ITPR2: variants seen among roughly 807,000 people sequenced by gnomAD.
The protein encoded by ITPR2 is inositol 1,4,5-trisphosphate-gated calcium channel ITPR2.
ITPR2 carries 207 observed loss-of-function variants against 317.1 expected under a neutral mutation model. That is an observed-to-expected ratio of 0.65 (90% confidence interval 0.58 to 0.73). ITPR2 has a LOEUF of 0.73. ITPR2 is among the 30% of genes least tolerant of loss of function. The pLI, the probability that ITPR2 is intolerant of heterozygous loss-of-function variation, is 0.00. For missense variants in ITPR2, 2,613 were observed against 3,284.0 expected, an observed-to-expected ratio of 0.80 and a Z score of 4.99; for synonymous variants, 1,156 against 1,149.1, an observed-to-expected ratio of 1.01 and a Z score of -0.12.
At chr12:26,492,307 C>T (rs906548138) in intron 39 of ITPR2, among the ~76,000 whole-genome samples, 2 of 152,082 alleles carry the variant, frequency 1.3e-5, no homozygotes, top group Non-Finnish European at 1.5e-5. Context: ...CCAATGGGAG[C>T]TGGCTTATTC....
At chr12:26,555,235 G>T (rs1944630476) in intron 36 of ITPR2, among the ~76,000 whole-genome samples, 1 of 152,292 alleles carries the variant, frequency 6.6e-6, no homozygotes, top group Middle Eastern at 3.4e-3. Context: ...CACACTTCTT[G>T]TGTGCCCTAG....
At chr12:26,433,239 C>A (rs976451699) in intron 48 of ITPR2, among the ~76,000 whole-genome samples, 1 of 152,276 alleles carries the variant, frequency 6.6e-6, no homozygotes, top group South Asian at 2.1e-4. Context: ...CCTCTAAGCA[C>A]CCCATCCACT....
At chr12:26,346,882 C>T (rs1366616644) in intron 55 of ITPR2, among the ~76,000 whole-genome samples, 1 of 152,034 alleles carries the variant, frequency 6.6e-6, no homozygotes, top group Non-Finnish European at 1.5e-5. Flanking sequence ...TCTTCCAGCT[C>T]GTCATTCTGT....
rs1945334739 is a variant in ITPR2 at position 26,578,955 on chromosome 12, G to T, written c.4510-122C>A. On this transcript the variant is annotated intron_variant, in intron 33 of 56. Transcript: ENST00000381340. ...ATAAAATACAATCTTTCAAGTTTCA[G>T]TGCTAGTTAATAAATATCTCATTCA... The T allele has an allele frequency of 2.3e-5, 22 of 958,564 alleles. No homozygotes were observed. In the South Asian group the frequency reaches 4.9e-4, roughly 21 times the overall value. 59.4% of individuals were successfully genotyped at this position (958,564 alleles called of 1,614,324 possible). A position where few individuals can be genotyped will look rare whatever the true frequency, so the allele number is the denominator to read the frequency against.
chr12:26,785,708 GA>G (rs1194562701), intron 2 of ITPR2, among the ~76,000 whole-genome samples: 2 of 31,898 alleles, frequency 6.3e-5, no homozygotes, highest in African/African-American at 8.7e-5. Context: ...GAGGTGGGGG[GA>G]TCAGTCCCCC....
chr12:26,675,248 G>C (rs1368771988), intron 13 of ITPR2, among the ~76,000 whole-genome samples: 2,417 of 152,238 alleles, frequency 0.016, 59 homozygotes, highest in African/African-American at 0.055. Flanking sequence ...ACATGCACAT[G>C]CATGTTTATT....
Position 26,544,316 on chromosome 12 carries a change from A to G in ITPR2, c.5073+5931T>C, listed in dbSNP as rs796480710. Reference sequence around the variant, plus strand: ...TATCCCTAAGTATAATTAATTTAGAAATTGTACTCAAGGGTATTCTAAATT... The same window carrying G: ...TATCCCTAAGTATAATTAATTTAGAGATTGTACTCAAGGGTATTCTAAATT... On this transcript the variant is annotated intron_variant, in intron 37 of 56. Coordinates refer to ENST00000381340, the MANE Select transcript of ITPR2 (RefSeq NM_002223.4). Among the ~76,000 whole-genome samples, 9 of 152,336 alleles carry G rather than the reference A, an allele frequency of 5.9e-5. 1 individual carries two copies. The highest frequency in any genetic ancestry group is 2.2e-4 in the African/African-American group (9 of 41,578).
chr12:26,378,853 T>C (rs1355402631), intron 55 of ITPR2, among the ~76,000 whole-genome samples: 1 of 152,226 alleles, frequency 6.6e-6, no homozygotes, highest in Non-Finnish European at 1.5e-5. Flanking sequence ...GAACGAGTTC[T>C]CTTTTTTTCC....
chr12:26,612,634 T>C (rs956264583), intron 26 of ITPR2, among the ~76,000 whole-genome samples: 1 of 152,176 alleles, frequency 6.6e-6, no homozygotes, highest in Non-Finnish European at 1.5e-5. Context: ...ATCCACCCAT[T>C]TGCATACATT....
intron 1 of ITPR2, among the ~76,000 whole-genome samples, chr12:26,798,995 CAAAT>C (rs1950506835): frequency 6.6e-6 from 1 of 152,142 alleles, no homozygotes; most frequent in South Asian, 2.1e-4. Flanking sequence ...TAAATTTAAA[CAAAT>C]AAATTTAGCA....
chr12:26,832,871 G>T lies in ITPR2; in HGVS notation c.-90C>A. 1 of 1,031,488 alleles carries T rather than the reference G, an allele frequency of 9.7e-7. No individual in the cohort carries two copies. Among genetic ancestry groups the T allele is most frequent in the Non-Finnish European group, 1.5e-6 (1 of 678,522 alleles). The allele number at this position is 1,031,488 out of a possible 1,614,324, so 63.9% of individuals were successfully genotyped here. A position where few individuals can be genotyped will look rare whatever the true frequency, so the allele number is the denominator to read the frequency against. On this transcript the variant is annotated 5_prime_UTR_variant, in exon 1 of 57. Transcript: ENST00000381340. ...GGAGCCGCCGCGGCAGAAGCGGATC[G>T]GATCGCGGGACTACAGCGGCCAAGA...
rs1393134910 is a variant in ITPR2, at chr12:26,748,128, G to A, written c.164-22363C>T. ...GGCTGGAGTGCAATGGTGTGATCTC[G>A]GCTCACTGCCACCTCCGCCTCCTGG... On this transcript the variant is annotated intron_variant, in intron 2 of 56. Coordinates refer to ENST00000381340, the MANE Select transcript of ITPR2 (RefSeq NM_002223.4). Among the ~76,000 whole-genome samples, 7 of 151,506 alleles carry A rather than the reference G, an allele frequency of 4.6e-5. No individual in the cohort carries two copies. The South Asian group carries it at 6.3e-4, about 14-fold the overall frequency.
intron 2 of ITPR2, among the ~76,000 whole-genome samples, chr12:26,767,111 A>G (rs1375593208): frequency 6.6e-6 from 1 of 152,104 alleles, no homozygotes; most frequent in African/African-American, 2.4e-5. Flanking sequence ...TACTGCTACA[A>G]GCTTTCTTGT....
chr12:26,544,873 C>T (rs1334965352), intron 37 of ITPR2, among the ~76,000 whole-genome samples: 1 of 152,078 alleles, frequency 6.6e-6, no homozygotes, highest in East Asian at 1.9e-4. Context: ...TGACTTAACG[C>T]AATTCACTTT....
At chr12:26,512,265 C>A (rs1018618128) in intron 37 of ITPR2, among the ~76,000 whole-genome samples, 1 of 151,200 alleles carries the variant, frequency 6.6e-6, no homozygotes, top group Admixed American at 6.6e-5. Context: ...CAGATCTTTA[C>A]CCTAAAACAA....
rs1938007116 is a variant in ITPR2 at position 26,338,758 on chromosome 12, T to A, written c.*639A>T. On this transcript the variant is annotated 3_prime_UTR_variant, in exon 57 of 57. Coordinates refer to ENST00000381340, the MANE Select transcript of ITPR2 (RefSeq NM_002223.4). ...CCTGTCTGAATCCCAGAGAAGGCAA[T>A]CACATCCTGTTATGTTGTCAGTGTG... 1 of 152,194 alleles carries A rather than the reference T, an allele frequency of 6.6e-6. No homozygotes were observed. The highest frequency in any genetic ancestry group is 2.4e-5 in the African/African-American group (1 of 41,452). The allele number at this position is 152,194 out of a possible 1,614,324, so 9.4% of individuals were successfully genotyped here.
intron 9 of ITPR2, among the ~76,000 whole-genome samples, chr12:26,697,163 C>T (rs983210540): frequency 6.6e-6 from 1 of 152,188 alleles, no homozygotes; most frequent in African/African-American, 2.4e-5. Context: ...GCTGCAAATG[C>T]ACCCATCAGC....
At chr12:26,548,190 A>G (rs1030641880) in intron 37 of ITPR2, among the ~76,000 whole-genome samples, 6 of 152,222 alleles carry the variant, frequency 3.9e-5, no homozygotes, top group African/African-American at 1.4e-4. Flanking sequence ...ATTGATAAGT[A>G]CTACCCAGTA....
At chr12:26,371,586 A>AT (rs1168302389) in intron 55 of ITPR2, among the ~76,000 whole-genome samples, 1 of 152,210 alleles carries the variant, frequency 6.6e-6, no homozygotes, top group Non-Finnish European at 1.5e-5. Flanking sequence ...CAAAAGGAAG[A>AT]TTTTATTTTC....
Sources: gnomAD v4.1 joint callset for allele counts (sites outside exome capture counted in the v4.1 genomes callset) on GRCh38, gnomAD v4.1.1 for gene constraint, MANE v1.5 for transcripts, NCBI Gene and HGNC (gene_info 2026-07-23, HGNC 2026-07-21) for gene names.